NIBAN2: variants seen among roughly 807,000 people sequenced by gnomAD.
NIBAN2 encodes the protein protein Niban 2.
In NIBAN2, 36 loss-of-function variants were observed where a neutral mutation model predicts 81.8. The observed-to-expected ratio is 0.44, with a 90% CI of 0.34 to 0.58. The LOEUF (loss-of-function observed/expected upper bound fraction) is 0.58, where lower values mean the gene tolerates loss of function less well. Among genes scored for constraint, NIBAN2 ranks in the 20% least tolerant of loss-of-function variants. The probability of loss-of-function intolerance (pLI) is 0.02; values close to 1 mark genes in which losing one functional copy is unlikely to be tolerated. For missense variants in NIBAN2, 897 were observed against 1,014.1 expected, an observed-to-expected ratio of 0.88 and a Z score of 1.57; for synonymous variants, 445 against 441.6, an observed-to-expected ratio of 1.01 and a Z score of -0.10.
At chr9:127,546,773 T>C (rs1483156157) in intron 1 of NIBAN2, among the ~76,000 whole-genome samples, 1 of 152,096 alleles carries the variant, frequency 6.6e-6, no homozygotes, top group Non-Finnish European at 1.5e-5. Flanking sequence ...TCAGCAATCC[T>C]GGCCACTGGG....
intron 3 of NIBAN2, among the ~76,000 whole-genome samples, chr9:127,525,989 C>T (rs1837055291): frequency 6.6e-6 from 1 of 152,188 alleles, no homozygotes; most frequent in African/African-American, 2.4e-5. Context: ...CATGCTACTC[C>T]CTGCCACTAG....
At chr9:127,576,025 T>C (rs1838004630) in intron 1 of NIBAN2, among the ~76,000 whole-genome samples, 1 of 152,176 alleles carries the variant, frequency 6.6e-6, no homozygotes, top group Admixed American at 6.5e-5. Flanking sequence ...CAACATGATT[T>C]TGTGTGTGTG....
At chr9:127,573,315 T>G (rs1037343953), upstream of NIBAN2, among the ~76,000 whole-genome samples, 20 of 151,864 alleles carry the variant, frequency 1.3e-4, no homozygotes, top group African/African-American at 2.7e-4. Context: ...ATTTGTTGTT[T>G]TTTTTTTTCA....
rs758860623 is a variant in NIBAN2, at chr9:127,508,125, G to A, written c.1510C>T (p.Leu504=). The A allele has an allele frequency of 3.1e-6, 5 of 1,613,532 alleles. No individual in the cohort carries two copies. The Admixed American group carries it at 5.0e-5, about 16-fold the overall frequency. The change falls in exon 12 of 14, where the codon CTG becomes TTG. Residue 504 remains leucine (L), a synonymous_variant. Coordinates refer to ENST00000373312, the MANE Select transcript of NIBAN2 (RefSeq NM_022833.4). The surrounding 1 kb of genome is among the most constrained non-coding windows in gnomAD (Gnocchi z 6.4). ...CAGGTAGGGGCCAGCTTCTTGAGCA[G>A]GAACGGGATGCTGATCTGCAGCAGC... ...EALLQISIPF[L]LKKLAPTCKS... is the part of the protein sequence containing the mutation.
intron 2 of NIBAN2, 43 bp downstream of exon 2, chr9:127,531,605 G>A (rs367958279): frequency 2.0e-5 from 32 of 1,589,246 alleles, no homozygotes; most frequent in African/African-American, 1.6e-4. Context: ...GCCACATGGC[G>A]AGAAGTAGCA....
rs201066039 is a variant in NIBAN2, at chr9:127,510,352, G to A, written c.974-19C>T. The A allele has an allele frequency of 1.1e-4, 179 of 1,570,032 alleles. 1 individual carries two copies. The highest frequency in any genetic ancestry group is 1.6e-4 in the African/African-American group (12 of 73,948). On this transcript the variant is annotated intron_variant, in intron 8 of 13. Coordinates refer to ENST00000373312, the MANE Select transcript of NIBAN2 (RefSeq NM_022833.4). ...ATGAAGGCTGTGCCCCGAGGGAGCC[G>A]GGTCAGCAGGGGCTCCCCAAGGAGC...
intron 1 of NIBAN2, among the ~76,000 whole-genome samples, chr9:127,540,946 C>A (rs367834805): frequency 1.3e-5 from 2 of 152,208 alleles, no homozygotes; most frequent in Non-Finnish European, 2.9e-5. Context: ...GTAGCAGCAC[C>A]CTGTAGGGTG....
At chr9:127,555,475 C>T (rs1486475032) in intron 1 of NIBAN2, among the ~76,000 whole-genome samples, 2 of 152,272 alleles carry the variant, frequency 1.3e-5, no homozygotes, top group Admixed American at 6.5e-5. Context: ...AGCCCGCCCA[C>T]CCAGAACCAT....
intron 1 of NIBAN2, among the ~76,000 whole-genome samples, chr9:127,541,869 A>G (rs1014508848): frequency 3.7e-4 from 56 of 152,160 alleles, no homozygotes; most frequent in African/African-American, 1.3e-3. Flanking sequence ...TGAGAGAAAC[A>G]GGGCCTATGG....
chr9:127,528,518 G>A (rs1021417147), intron 2 of NIBAN2, among the ~76,000 whole-genome samples: 4 of 152,088 alleles, frequency 2.6e-5, no homozygotes, highest in African/African-American at 9.6e-5. Flanking sequence ...CTGCAGTCCC[G>A]TCTCTCCACC....
Position 127,527,337 on chromosome 9 carries a change from G to A in NIBAN2, c.187-15C>T, listed in dbSNP as rs758103526. ...TCCAGTGGCACCTGTGGGCAGGAGC[G>A]GGTGGGGAGTGAGGCCCAGGTCTGG... On this transcript the variant is annotated splice_polypyrimidine_tract_variant and intron_variant, in intron 2 of 13. Coordinates refer to ENST00000373312, the MANE Select transcript of NIBAN2 (RefSeq NM_022833.4). 16 of 1,611,146 alleles carry A rather than the reference G, an allele frequency of 9.9e-6. No individual in the cohort carries two copies. Among genetic ancestry groups the A allele is most frequent in the East Asian group, 8.9e-5 (4 of 44,878 alleles).
At chr9:127,549,015 C>T (rs1348086220) in intron 1 of NIBAN2, among the ~76,000 whole-genome samples, 1 of 152,120 alleles carries the variant, frequency 6.6e-6, no homozygotes, top group Non-Finnish European at 1.5e-5. Context: ...GGTCAAAGAG[C>T]ACCCACCTCC....
chr9:127,555,691 T>C (rs1837654922), intron 1 of NIBAN2, among the ~76,000 whole-genome samples: 1 of 152,202 alleles, frequency 6.6e-6, no homozygotes, highest in Admixed American at 6.5e-5. Flanking sequence ...TCCCACTCAG[T>C]GGGCTGTGTT....
chr9:127,560,456 A>G (rs1837753679), intron 1 of NIBAN2, among the ~76,000 whole-genome samples: 1 of 151,922 alleles, frequency 6.6e-6, no homozygotes, highest in Non-Finnish European at 1.5e-5. Flanking sequence ...AATGCCTCCA[A>G]GGCCTCCCTG....
chr9:127,565,825 A>T, intron 1 of NIBAN2, among the ~76,000 whole-genome samples: 1 of 148,746 alleles, frequency 6.7e-6, no homozygotes, highest in Non-Finnish European at 1.5e-5. Context: ...ATGGGCGGGA[A>T]GTTCACACCT....
At chr9:127,532,987 A>G (rs1029720983) in intron 1 of NIBAN2, among the ~76,000 whole-genome samples, 1 of 151,926 alleles carries the variant, frequency 6.6e-6, no homozygotes, top group East Asian at 1.9e-4. Context: ...GCAAAACCCC[A>G]TCTCTACTAA....
intron 8 of NIBAN2, 91 bp downstream of exon 8, chr9:127,516,766 C>G: frequency 1.5e-6 from 2 of 1,319,046 alleles, no homozygotes; most frequent in Non-Finnish European, 2.1e-6. Context: ...ATGAGCAAGT[C>G]ATTGCTGTGA....
At chr9:127,557,926 A>G (rs1837702838) in intron 1 of NIBAN2, among the ~76,000 whole-genome samples, 1 of 152,110 alleles carries the variant, frequency 6.6e-6, no homozygotes, top group Non-Finnish European at 1.5e-5. Flanking sequence ...GGCCCAGAGG[A>G]GAGACGCCCC....
chr9:127,565,173 G>A (rs564983818), intron 1 of NIBAN2, among the ~76,000 whole-genome samples: 47 of 152,048 alleles, frequency 3.1e-4, no homozygotes, highest in Admixed American at 2.2e-3. Context: ...TGTTGCCCAC[G>A]CTGGTCTTGA....
Sources: gnomAD v4.1 joint callset for allele counts (sites outside exome capture counted in the v4.1 genomes callset) on GRCh38, gnomAD v4.1.1 for gene constraint, Gnocchi (gnomAD v3.1) non-coding constraint, MANE v1.5 for transcripts, NCBI Gene and HGNC (gene_info 2026-07-23, HGNC 2026-07-21) for gene names.